Variants in CLSTN2 observed in about 807,000 individuals in gnomAD.
CLSTN2 encodes calsyntenin-2.
In CLSTN2, 48 loss-of-function variants were observed where a neutral mutation model predicts 101.2. The ratio of observed to expected loss-of-function variants is 0.47; its 90% confidence interval spans 0.38 to 0.60. The LOEUF (loss-of-function observed/expected upper bound fraction) is 0.60. CLSTN2 is among the 20% of genes least tolerant of loss of function. The pLI is 0.00. For missense variants in CLSTN2, 1,160 were observed against 1,238.2 expected (o/e 0.94, Z 0.95); for synonymous variants, 481 against 463.6 (o/e 1.04, Z -0.48).
At chr3:140,299,474 A>G (rs932312179) in intron 2 of CLSTN2, among the ~76,000 whole-genome samples, 3 of 152,218 alleles carry the variant, frequency 2.0e-5, no homozygotes, top group Non-Finnish European at 2.9e-5. Context: ...GATAAGTCAT[A>G]TTTAAATCCA....
rs553110514 is a variant in CLSTN2, at chr3:139,956,104, C to T, written c.109+20621C>T. Among the ~76,000 whole-genome samples the T allele has an allele frequency of 4.7e-4, 71 of 152,266 alleles. 1 individual carries two copies. Among genetic ancestry groups the T allele is most frequent in the Non-Finnish European group, 2.9e-5 (2 of 68,018 alleles). The stretch of plus-strand genomic sequence containing the variant: ...CTCTGTGAGTTGGGTCTCCTGACTT[C>T]CCTATTTTCCAGTTATGGAAACTGA... On this transcript the variant is annotated intron_variant, in intron 1 of 16. Transcript: ENST00000458420.
intron 4 of CLSTN2, among the ~76,000 whole-genome samples, chr3:140,411,133 G>C (rs182478253): frequency 4.9e-4 from 74 of 152,260 alleles, no homozygotes; most frequent in African/African-American, 1.8e-3. Context: ...TCTATCAAAA[G>C]GCATAGAGTG....
intron 2 of CLSTN2, among the ~76,000 whole-genome samples, chr3:140,310,034 G>C (rs553259895): frequency 2.0e-5 from 3 of 151,960 alleles, no homozygotes; most frequent in Non-Finnish European, 4.4e-5. Context: ...TCTGGTCATG[G>C]GGTTCTAGCC....
chr3:140,222,521 C>G (rs2086282837), intron 2 of CLSTN2, among the ~76,000 whole-genome samples: 1 of 152,090 alleles, frequency 6.6e-6, no homozygotes, highest in Admixed American at 6.5e-5. Context: ...GAATTGACAT[C>G]CCATTTTCCA....
At chr3:139,990,282 G>A (rs1326462091) in intron 1 of CLSTN2, among the ~76,000 whole-genome samples, 1 of 152,122 alleles carries the variant, frequency 6.6e-6, no homozygotes, top group East Asian at 1.9e-4. Context: ...CATGAAGAAG[G>A]CCAGATGGCT....
At position 140,575,544 on chromosome 3, in the gene CLSTN2, T is replaced by G. The variant is rs1392599391; in HGVS notation, c.*9291T>G. ...CCTCGGTGGTTTCCATAAAGGGTTG[T>G]TGATGTCCTGAGCTGGACAGGGTGG... On this transcript the variant is annotated 3_prime_UTR_variant, in exon 17 of 17. Coordinates refer to ENST00000458420, the MANE Select transcript of CLSTN2 (RefSeq NM_022131.3). The G allele has an allele frequency of 6.6e-6, 1 of 152,104 alleles. No homozygotes were observed. The highest frequency in any genetic ancestry group is 1.5e-5 in the Non-Finnish European group (1 of 68,026). 9.4% of individuals were successfully genotyped at this position (152,104 alleles called of 1,614,324 possible). A position where few individuals can be genotyped will look rare whatever the true frequency, so the allele number is the denominator to read the frequency against.
intron 2 of CLSTN2, among the ~76,000 whole-genome samples, chr3:140,180,911 G>T (rs1041353366): frequency 6.6e-6 from 1 of 152,182 alleles, no homozygotes; most frequent in South Asian, 2.1e-4. Flanking sequence ...TAGTGTATCT[G>T]CCTCCTTATC....
chr3:140,410,049 G>A (rs2107983051), intron 4 of CLSTN2, among the ~76,000 whole-genome samples: 1 of 151,904 alleles, frequency 6.6e-6, no homozygotes, highest in East Asian at 1.9e-4. Flanking sequence ...CCTACATAAT[G>A]TATGCAACAC....
chr3:140,340,578 A>T (rs2087482522), intron 2 of CLSTN2, among the ~76,000 whole-genome samples: 1 of 152,240 alleles, frequency 6.6e-6, no homozygotes, highest in African/African-American at 2.4e-5. Flanking sequence ...TAAAAATTTC[A>T]AATGATGGTA....
intron 5 of CLSTN2, among the ~76,000 whole-genome samples, chr3:140,434,631 C>T (rs567624191): frequency 5.0e-4 from 76 of 152,246 alleles, no homozygotes; most frequent in African/African-American, 1.8e-3. Flanking sequence ...AGCCAGATGC[C>T]TAAGGGATTG....
chr3:140,329,323 T>C (rs1327362067), intron 2 of CLSTN2, among the ~76,000 whole-genome samples: 1 of 152,112 alleles, frequency 6.6e-6, no homozygotes, highest in Admixed American at 6.5e-5. Flanking sequence ...AACCTGGAGG[T>C]TGCAGTGAGG....
intron 2 of CLSTN2, among the ~76,000 whole-genome samples, chr3:140,378,350 C>G (rs371515042): frequency 6.6e-6 from 1 of 152,330 alleles, no homozygotes; most frequent in East Asian, 1.9e-4. Flanking sequence ...CCATCTGGCT[C>G]TAATAGAGTA....
At chr3:140,179,663 A>C (rs2107830894) in intron 2 of CLSTN2, among the ~76,000 whole-genome samples, 1 of 138,692 alleles carries the variant, frequency 7.2e-6, no homozygotes. Context: ...CCTTGCTATT[A>C]TACCTCATTT....
intron 16 of CLSTN2, among the ~76,000 whole-genome samples, chr3:140,565,389 G>A (rs1452748978): frequency 6.6e-6 from 1 of 151,948 alleles, no homozygotes; most frequent in Non-Finnish European, 1.5e-5. Flanking sequence ...TTATGACCTG[G>A]TTCATCAATG....
chr3:140,001,405 CT>C (rs34708730), intron 1 of CLSTN2, among the ~76,000 whole-genome samples: 10 of 151,892 alleles, frequency 6.6e-5, no homozygotes, highest in East Asian at 1.9e-4. Context: ...CCTTTTAAAA[CT>C]TTTTTTGTAA....
chr3:140,238,904 C>T (rs2086437733), intron 2 of CLSTN2, among the ~76,000 whole-genome samples: 1 of 152,048 alleles, frequency 6.6e-6, no homozygotes, highest in African/African-American at 2.4e-5. Flanking sequence ...ATTTGAATTC[C>T]AGGGTTTTAG....
chr3:140,546,505 G>C lies in CLSTN2; in HGVS notation c.1508-10G>C. On this transcript the variant is annotated splice_polypyrimidine_tract_variant and intron_variant, in intron 9 of 16. Coordinates refer to ENST00000458420, the MANE Select transcript of CLSTN2 (RefSeq NM_022131.3). Reference sequence around the variant, plus strand: ...CTTCACAGGGCAAATGATGGTGTTTGTTTTTTCAGGAGGAGAAGTCACCAA... The same window carrying C: ...CTTCACAGGGCAAATGATGGTGTTTCTTTTTTCAGGAGGAGAAGTCACCAA... 6.2e-7 allele frequency: 1 copy of C among 1,613,100 alleles called. No individual in the cohort carries two copies. Among genetic ancestry groups the C allele is most frequent in the Non-Finnish European group, 8.5e-7 (1 of 1,179,446 alleles).
At chr3:140,508,974 G>A (rs1274277186) in intron 8 of CLSTN2, among the ~76,000 whole-genome samples, 1 of 152,110 alleles carries the variant, frequency 6.6e-6, no homozygotes, top group Non-Finnish European at 1.5e-5. Flanking sequence ...TAAGAAGCAG[G>A]AAGAAATATG....
chr3:140,534,962 T>C (rs1210147912), intron 9 of CLSTN2, among the ~76,000 whole-genome samples: 1 of 152,214 alleles, frequency 6.6e-6, no homozygotes, highest in African/African-American at 2.4e-5. Context: ...ATGTCCAAGC[T>C]TTCCGAGTGA....
Sources: allele counts gnomAD v4.1 joint callset (sites outside exome capture counted in the v4.1 genomes callset), GRCh38; gene constraint gnomAD v4.1.1; transcripts MANE v1.5; gene names NCBI Gene and HGNC (gene_info 2026-07-23, HGNC 2026-07-21).